Variants in DCC observed in about 807,000 individuals in gnomAD.
DCC encodes the protein netrin receptor DCC.
In DCC, 58 loss-of-function variants were observed where a neutral mutation model predicts 172.5. That is an observed-to-expected ratio of 0.34 (90% CI 0.27 to 0.42). The LOEUF is 0.42. DCC is among the 10% of genes least tolerant of loss of function. The pLI is 1.00. For synonymous variants in DCC, 709 were observed against 644.5 expected (o/e 1.10, Z -1.52); for missense variants, 1,740 against 1,791.0 (o/e 0.97, Z 0.51).
chr18:52,589,005 C>G (rs2033740346), intron 1 of DCC, among the ~76,000 whole-genome samples: 1 of 152,108 alleles, frequency 6.6e-6, no homozygotes, highest in Non-Finnish European at 1.5e-5. Flanking sequence ...TTGTATACTG[C>G]ATTTGTATTT....
intron 1 of DCC, among the ~76,000 whole-genome samples, chr18:52,478,870 G>A (rs1989171949): frequency 6.6e-6 from 1 of 152,066 alleles, no homozygotes; most frequent in Non-Finnish European, 1.5e-5. Context: ...CCAACATTGG[G>A]GATTACCATT....
chr18:52,801,280 C>T (rs370917820), intron 2 of DCC, among the ~76,000 whole-genome samples: 30 of 152,300 alleles, frequency 2.0e-4, no homozygotes, highest in African/African-American at 5.8e-4. Context: ...CCACCCTCTT[C>T]AAGAAGTCAT....
chr18:52,766,744 C>T (rs191871544), intron 2 of DCC, among the ~76,000 whole-genome samples: 7 of 151,742 alleles, frequency 4.6e-5, no homozygotes, highest in Non-Finnish European at 1.0e-4. Context: ...GCGGTGGGGC[C>T]ATGGGTGGTT....
intron 1 of DCC, among the ~76,000 whole-genome samples, chr18:52,501,343 C>T (rs2031010395): frequency 6.6e-6 from 1 of 152,062 alleles, no homozygotes; most frequent in East Asian, 1.9e-4. Flanking sequence ...ACTGCAGGCC[C>T]CCAATACAGT....
chr18:53,288,548 C>T (rs1281072195), intron 12 of DCC, among the ~76,000 whole-genome samples: 2 of 151,848 alleles, frequency 1.3e-5, no homozygotes, highest in African/African-American at 4.8e-5. Context: ...TATTCTTTTC[C>T]TTGTAATCTA....
chr18:53,008,366 G>A (rs2041676351), intron 5 of DCC, among the ~76,000 whole-genome samples: 1 of 151,970 alleles, frequency 6.6e-6, no homozygotes, highest in African/African-American at 2.4e-5. Flanking sequence ...TTGCTTCCAT[G>A]GAAGTGGTTG....
chr18:52,982,636 C>T (rs1048166762), intron 5 of DCC, among the ~76,000 whole-genome samples: 1 of 152,108 alleles, frequency 6.6e-6, no homozygotes, highest in Non-Finnish European at 1.5e-5. Context: ...TCCTCCTTAC[C>T]TTCCCAAGTT....
At chr18:52,802,643 CTTTTTTTTTTT>C (rs776080029) in intron 2 of DCC, among the ~76,000 whole-genome samples, 485 of 38,072 alleles carry the variant, frequency 0.013, 5 homozygotes, top group African/African-American at 0.026. Context: ...CACGCCAAGC[CTTTTTTTTTTT>C]TTTTTTTTTT....
At chr18:52,995,216 C>G (rs539712684) in intron 5 of DCC, among the ~76,000 whole-genome samples, 1 of 152,148 alleles carries the variant, frequency 6.6e-6, no homozygotes, top group South Asian at 2.1e-4. Context: ...TAATATGGAC[C>G]TAGAACTACA....
chr18:52,973,557 T>C (rs1402512883), intron 5 of DCC, among the ~76,000 whole-genome samples: 1 of 152,168 alleles, frequency 6.6e-6, no homozygotes, highest in African/African-American at 2.4e-5. Context: ...TGCCTCCTTA[T>C]TTCTGATTAG....
chr18:53,502,483 T>C (rs1468515787), intron 27 of DCC, among the ~76,000 whole-genome samples: 1 of 152,200 alleles, frequency 6.6e-6, no homozygotes, highest in Non-Finnish European at 1.5e-5. Flanking sequence ...GACAAATGTA[T>C]TAGCTGTGAC....
intron 5 of DCC, among the ~76,000 whole-genome samples, chr18:53,043,715 T>A (rs1053243757): frequency 6.6e-6 from 1 of 151,960 alleles, no homozygotes; most frequent in Admixed American, 6.6e-5. Context: ...CATCACTGAA[T>A]GGCAAAGTTG....
At chr18:52,902,061 C>G (rs770928227) in intron 2 of DCC, among the ~76,000 whole-genome samples, 2 of 152,022 alleles carry the variant, frequency 1.3e-5, no homozygotes, top group South Asian at 2.1e-4. Context: ...TAGCAGAGAG[C>G]GTGTTCCTTT....
chr18:53,485,514 T>G (rs1235873201), intron 25 of DCC, among the ~76,000 whole-genome samples: 1 of 152,126 alleles, frequency 6.6e-6, no homozygotes, highest in Non-Finnish European at 1.5e-5. Context: ...AATCATTTAA[T>G]CTGATTAGCA....
chr18:52,953,612 G>T, intron 5 of DCC, among the ~76,000 whole-genome samples: 1 of 152,178 alleles, frequency 6.6e-6, no homozygotes, highest in Non-Finnish European at 1.5e-5. Context: ...CTGAACAAAT[G>T]GTTCTGGCTG....
At chr18:52,624,080 T>A (rs1282030624) in intron 1 of DCC, among the ~76,000 whole-genome samples, 1 of 152,162 alleles carries the variant, frequency 6.6e-6, no homozygotes, top group Non-Finnish European at 1.5e-5. Flanking sequence ...ATTTTTTCTG[T>A]AATGAAAGGA....
At chr18:52,857,134 TATC>T (rs771171767) in intron 2 of DCC, among the ~76,000 whole-genome samples, 4 of 152,236 alleles carry the variant, frequency 2.6e-5, no homozygotes, top group Admixed American at 2.0e-4. Flanking sequence ...AAAAAAATAA[TATC>T]ATGTATATTC....
Position 52,605,484 on chromosome 18 carries a change from C to T in DCC, c.92-146570C>T, listed in dbSNP as rs375766650. ...ATTTGTTCTGATATTATTGCAGCTG[C>T]AAGCAGCATACAAAGATGTGGTACT... is the stretch of plus-strand genomic sequence containing the variant. On this transcript the variant is annotated intron_variant, in intron 1 of 28. Coordinates refer to ENST00000442544, the MANE Select transcript of DCC (RefSeq NM_005215.4). Among the ~76,000 whole-genome samples the T allele has an allele frequency of 3.3e-5, 5 of 152,158 alleles. No individual in the cohort carries two copies. The East Asian group carries it at 7.7e-4, about 23-fold the overall frequency.
intron 7 of DCC, among the ~76,000 whole-genome samples, chr18:53,107,475 G>A (rs891290440): frequency 7.0e-6 from 1 of 142,558 alleles, no homozygotes; most frequent in South Asian, 2.2e-4. Context: ...AGAGAATTGT[G>A]TCTGATGCTC....
Sources: allele counts gnomAD v4.1 joint callset (sites outside exome capture counted in the v4.1 genomes callset), GRCh38; gene constraint gnomAD v4.1.1; transcripts MANE v1.5; gene names NCBI Gene and HGNC (gene_info 2026-07-23, HGNC 2026-07-21).